Variants in QTMAN observed in about 807,000 individuals in gnomAD.
The protein encoded by QTMAN is queuosine-tRNA mannosyltransferase.
At chr2:144,134,967 T>C in the QTMAN span, among the ~76,000 whole-genome samples, 1 of 152,274 alleles carries the variant, frequency 6.6e-6, no homozygotes, top group African/African-American at 2.4e-5. Context: ...TTGATAAATA[T>C]ATACAAATAT....
chr2:144,266,920 A>G, the QTMAN span, among the ~76,000 whole-genome samples: 1 of 152,202 alleles, frequency 6.6e-6, no homozygotes, highest in Non-Finnish European at 1.5e-5. Context: ...AATGAAGAAC[A>G]TGGGGCAATT....
chr2:144,223,433 C>T, the QTMAN span, among the ~76,000 whole-genome samples: 5 of 152,100 alleles, frequency 3.3e-5, no homozygotes, highest in African/African-American at 1.2e-4. Context: ...TAGGAAAGCA[C>T]CATGTGGCAT....
the QTMAN span, among the ~76,000 whole-genome samples, chr2:143,989,220 T>C: frequency 4.0e-5 from 6 of 151,724 alleles, no homozygotes; most frequent in Non-Finnish European, 7.4e-5. Context: ...CTATCTCCTA[T>C]ATTATATAAA....
the QTMAN span, among the ~76,000 whole-genome samples, chr2:143,975,449 G>A: frequency 6.6e-6 from 1 of 152,176 alleles, no homozygotes; most frequent in Non-Finnish European, 1.5e-5. Context: ...ACTCTGGCCT[G>A]AGGGCTCCAT....
the QTMAN span, among the ~76,000 whole-genome samples, chr2:144,267,841 T>C: frequency 1.3e-5 from 2 of 152,150 alleles, no homozygotes; most frequent in Admixed American, 1.3e-4. Flanking sequence ...ATGCTCTAAA[T>C]AGGTATTTCA....
At chr2:144,144,586 C>T in the QTMAN span, among the ~76,000 whole-genome samples, 8 of 151,936 alleles carry the variant, frequency 5.3e-5, no homozygotes, top group South Asian at 2.1e-4. Flanking sequence ...AATTTTAAAA[C>T]GGCTGCTTTT....
chr2:144,136,395 A>AAAAGGAAAGGAAAGGAAAGG, the QTMAN span, among the ~76,000 whole-genome samples: 6,803 of 97,296 alleles, frequency 0.07, 420 homozygotes, highest in Middle Eastern at 0.09. Flanking sequence ...AAGGAAAAGG[A>AAAAGGAAAGGAAAGGAAAGG]AAAGGAAAGG....
the QTMAN span, among the ~76,000 whole-genome samples, chr2:144,105,300 C>T: frequency 3.9e-5 from 6 of 152,174 alleles, no homozygotes; most frequent in Non-Finnish European, 8.8e-5. Flanking sequence ...GATGATCAAA[C>T]TTCTCCGAGC....
chr2:144,091,628 T>C, the QTMAN span, among the ~76,000 whole-genome samples: 1 of 152,160 alleles, frequency 6.6e-6, no homozygotes. Context: ...TGGTGATTTA[T>C]TTAAAAAATA....
chr2:144,164,727 A>G, the QTMAN span, among the ~76,000 whole-genome samples: 2 of 152,136 alleles, frequency 1.3e-5, no homozygotes, highest in South Asian at 4.1e-4. Context: ...CAATGATCCA[A>G]TTTGGTTAAA....
the QTMAN span, among the ~76,000 whole-genome samples, chr2:144,061,443 A>G: frequency 6.6e-6 from 1 of 152,208 alleles, no homozygotes; most frequent in Non-Finnish European, 1.5e-5. Context: ...TTGTAAAACT[A>G]TATATAATTG....
the QTMAN span, among the ~76,000 whole-genome samples, chr2:144,255,772 T>C: frequency 3.9e-5 from 6 of 152,262 alleles, no homozygotes; most frequent in African/African-American, 1.2e-4. Context: ...ACCACAAGGG[T>C]GAATACATGT....
chr2:143,976,591 CA>C, the QTMAN span, among the ~76,000 whole-genome samples: 3 of 152,328 alleles, frequency 2.0e-5, no homozygotes, highest in African/African-American at 7.2e-5. Context: ...GCCTGACACA[CA>C]AGGGATCAGC....
the QTMAN span, among the ~76,000 whole-genome samples, chr2:144,093,525 A>G: frequency 5.3e-5 from 8 of 152,330 alleles, no homozygotes; most frequent in African/African-American, 1.9e-4. Flanking sequence ...AAACAAACAA[A>G]TCATACGACT....
the QTMAN span, among the ~76,000 whole-genome samples, chr2:144,157,055 T>C: frequency 7.9e-5 from 12 of 151,976 alleles, no homozygotes; most frequent in African/African-American, 2.9e-4. Flanking sequence ...ATGATTCCAA[T>C]AGTAAAAGCA....
the QTMAN span, among the ~76,000 whole-genome samples, chr2:144,190,467 A>G: frequency 6.6e-6 from 1 of 152,214 alleles, no homozygotes; most frequent in South Asian, 2.1e-4. Flanking sequence ...ACTGGCTGTC[A>G]CTGAAATCTT....
At chr2:144,057,549 GC>G in the QTMAN span, among the ~76,000 whole-genome samples, 4 of 152,078 alleles carry the variant, frequency 2.6e-5, no homozygotes, top group Non-Finnish European at 4.4e-5. Flanking sequence ...CCCAGAAATG[GC>G]AATCTGACCT....
chr2:144,163,454 A>G, the QTMAN span, among the ~76,000 whole-genome samples: 1 of 152,206 alleles, frequency 6.6e-6, no homozygotes, highest in East Asian at 1.9e-4. Context: ...AAAATCTCCT[A>G]AAGTTAGTAA....
the QTMAN span, among the ~76,000 whole-genome samples, chr2:143,981,384 A>T: frequency 4.3e-4 from 65 of 152,106 alleles, no homozygotes; most frequent in Non-Finnish European, 9.4e-4. Context: ...TGGAATTATG[A>T]TATGCCGTTC....
Sources: gnomAD v4.1 joint callset for allele counts (sites outside exome capture counted in the v4.1 genomes callset) on GRCh38, gnomAD v4.1.1 for gene constraint, MANE v1.5 for transcripts, NCBI Gene and HGNC (gene_info 2026-07-23, HGNC 2026-07-21) for gene names.